The following BARX2 variants were observed in gnomAD, a reference collection of about 807,000 sequenced individuals.
BARX2 encodes homeobox protein BarH-like 2.
A neutral mutation model predicts 25.5 loss-of-function variants in BARX2; 11 were observed. The observed-to-expected ratio is 0.43, with a 90% CI of 0.27 to 0.71. The LOEUF (loss-of-function observed/expected upper bound fraction) is 0.71. Ranked by LOEUF, BARX2 falls within the 30% of genes least tolerant of loss-of-function variation. The probability of loss-of-function intolerance (pLI) is 0.19; values close to 1 mark genes in which losing one functional copy is unlikely to be tolerated. For missense variants in BARX2, 360 were observed against 359.9 expected, an observed-to-expected ratio of 1.00 and a Z score of 0.00; for synonymous variants, 137 against 149.5, an observed-to-expected ratio of 0.92 and a Z score of 0.61.
chr11:129,440,031 G>C (rs1862238326), intron 2 of BARX2, among the ~76,000 whole-genome samples: 1 of 152,032 alleles, frequency 6.6e-6, no homozygotes, highest in Non-Finnish European at 1.5e-5. Flanking sequence ...GACACCATTG[G>C]CTGGCATGGA....
chr11:129,448,512 T>C (rs1389332400), intron 3 of BARX2, among the ~76,000 whole-genome samples: 2 of 152,178 alleles, frequency 1.3e-5, no homozygotes, highest in African/African-American at 4.8e-5. Context: ...CAATAAGCAC[T>C]ATGAAAAGAT....
intron 1 of BARX2, among the ~76,000 whole-genome samples, chr11:129,420,609 C>T (rs1423252804): frequency 6.6e-6 from 1 of 152,270 alleles, no homozygotes; most frequent in Non-Finnish European, 1.5e-5. Flanking sequence ...AGTCTTTTGC[C>T]TTTCGTAGTT....
At chr11:129,382,467 C>T (rs969569415) in intron 1 of BARX2, among the ~76,000 whole-genome samples, 1 of 152,230 alleles carries the variant, frequency 6.6e-6, no homozygotes, top group South Asian at 2.1e-4. Flanking sequence ...GCGTGAGCCA[C>T]TGCACCCAGC....
chr11:129,428,897 T>G (rs555398798), intron 1 of BARX2, among the ~76,000 whole-genome samples: 1 of 152,036 alleles, frequency 6.6e-6, no homozygotes, highest in Non-Finnish European at 1.5e-5. Context: ...TGGGGAAGAG[T>G]ACACTCTTAG....
intron 2 of BARX2, among the ~76,000 whole-genome samples, chr11:129,440,661 C>T (rs1565522421): frequency 1.3e-5 from 2 of 152,294 alleles, no homozygotes; most frequent in Non-Finnish European, 1.5e-5. Flanking sequence ...TTCCAGGGTC[C>T]CCTGAAGGAA....
At chr11:129,417,561 G>A (rs1861958394) in intron 1 of BARX2, among the ~76,000 whole-genome samples, 1 of 152,190 alleles carries the variant, frequency 6.6e-6, no homozygotes, top group South Asian at 2.1e-4. Flanking sequence ...AGTTGCTTTT[G>A]TCAAAAATCC....
chr11:129,404,102 A>G (rs936441755), intron 1 of BARX2, among the ~76,000 whole-genome samples: 3 of 152,248 alleles, frequency 2.0e-5, no homozygotes, highest in African/African-American at 7.2e-5. Context: ...ATTTTCAACA[A>G]GGACCACTGT....
At chr11:129,407,435 T>C (rs1371395905) in intron 1 of BARX2, among the ~76,000 whole-genome samples, 2 of 152,188 alleles carry the variant, frequency 1.3e-5, no homozygotes. Flanking sequence ...ATACCCTCTT[T>C]TGCAGAGTTA....
chr11:129,384,632 G>A (rs1861601341), intron 1 of BARX2, among the ~76,000 whole-genome samples: 1 of 152,182 alleles, frequency 6.6e-6, no homozygotes, highest in Admixed American at 6.5e-5. Context: ...TATAGACAAT[G>A]GAATGCTGAT....
At position 129,422,417 on chromosome 11, in the gene BARX2, G is replaced by GC. The variant is rs1470352354; in HGVS notation, c.188-14328dup. 4.6e-5 allele frequency among the ~76,000 whole-genome samples: 7 copies of GC among 152,158 alleles called. No homozygotes were observed. In the South Asian group the frequency reaches 1.2e-3, roughly 27 times the overall value. ...CGGTTCAAGTGATCCTCCTGCCTCAGCCCCCCAAGTAGCTAGGACTACAGG... is the reference window on the plus strand; with the variant it reads ...CGGTTCAAGTGATCCTCCTGCCTCAGCCCCCCCAAGTAGCTAGGACTACAGG... On this transcript the variant is annotated intron_variant, in intron 1 of 3. Coordinates refer to ENST00000281437, the MANE Select transcript of BARX2 (RefSeq NM_003658.5).
At chr11:129,388,784 T>A (rs1437329183) in intron 1 of BARX2, among the ~76,000 whole-genome samples, 1 of 152,200 alleles carries the variant, frequency 6.6e-6, no homozygotes, top group Admixed American at 6.5e-5. Flanking sequence ...ACAGCTTAAA[T>A]ATGAGATTGA....
chr11:129,384,293 G>T lies in BARX2; in HGVS notation c.187+8071G>T, dbSNP rs138636775. 4.9e-4 allele frequency among the ~76,000 whole-genome samples: 74 copies of T among 151,760 alleles called. 2 individuals carry two copies. In the East Asian group the frequency reaches 0.014, roughly 28 times the overall value. ...TAAGTGATATGATGCTTATCCTTTG[G>T]TTTTTCTTATTCAAGGATTACTTAC... On this transcript the variant is annotated intron_variant, in intron 1 of 3. Coordinates refer to ENST00000281437, the MANE Select transcript of BARX2 (RefSeq NM_003658.5).
At chr11:129,418,217 A>G (rs1861965575) in intron 1 of BARX2, among the ~76,000 whole-genome samples, 1 of 152,218 alleles carries the variant, frequency 6.6e-6, no homozygotes, top group Non-Finnish European at 1.5e-5. Context: ...TGCAAATTCT[A>G]TAAAAAGGCC....
chr11:129,441,895 A>AGAT (rs1862265399), intron 2 of BARX2, among the ~76,000 whole-genome samples: 1 of 152,206 alleles, frequency 6.6e-6, no homozygotes, highest in South Asian at 2.1e-4. Context: ...TGAATGGGAT[A>AGAT]GATAAGACAG....
At chr11:129,437,230 AC>A in intron 2 of BARX2, 179 bp downstream of exon 2, 1 of 692,434 alleles carries the variant, frequency 1.4e-6, no homozygotes, top group Non-Finnish European at 2.1e-6. Context: ...ACATGAATCC[AC>A]CACACGGTCC....
chr11:129,450,332 A>G, intron 3 of BARX2, among the ~76,000 whole-genome samples: 1 of 152,238 alleles, frequency 6.6e-6, no homozygotes, highest in East Asian at 1.9e-4. Context: ...AAAGATTAAA[A>G]ATGATTCATG....
At chr11:129,388,075 T>C (rs983084175) in intron 1 of BARX2, among the ~76,000 whole-genome samples, 13 of 146,070 alleles carry the variant, frequency 8.9e-5, no homozygotes, top group African/African-American at 3.3e-4. Context: ...GTCTGTCTCA[T>C]TACATATAGG....
chr11:129,430,995 C>T (rs753993132), intron 1 of BARX2, among the ~76,000 whole-genome samples: 16 of 152,128 alleles, frequency 1.1e-4, no homozygotes, highest in African/African-American at 2.4e-4. Context: ...CTAAGTAGCT[C>T]GTATTATAAG....
intron 1 of BARX2, among the ~76,000 whole-genome samples, chr11:129,413,990 T>C (rs1362269066): frequency 1.3e-5 from 2 of 150,990 alleles, no homozygotes; most frequent in African/African-American, 2.4e-5. Context: ...GGCATGAACC[T>C]GGGAGGCAGA....
Sources: gnomAD v4.1 joint callset for allele counts (sites outside exome capture counted in the v4.1 genomes callset) on GRCh38, gnomAD v4.1.1 for gene constraint, MANE v1.5 for transcripts, NCBI Gene and HGNC (gene_info 2026-07-23, HGNC 2026-07-21) for gene names.